SORCS2: variants seen among roughly 807,000 people sequenced by gnomAD.
The protein encoded by SORCS2 is sortilin related VPS10 domain containing receptor 2.
SORCS2 carries 100 observed loss-of-function variants against 141.6 expected under a neutral mutation model. That is an observed-to-expected ratio of 0.71 (90% CI 0.60 to 0.83). The LOEUF (loss-of-function observed/expected upper bound fraction) is 0.83. SORCS2 is among the 40% of genes least tolerant of loss of function. The probability of loss-of-function intolerance (pLI) is 0.00; values close to 1 mark genes in which losing one functional copy is unlikely to be tolerated. For synonymous variants in SORCS2, 789 were observed against 676.9 expected, an observed-to-expected ratio of 1.17 and a Z score of -2.57; for missense variants, 1,646 against 1,560.2, an observed-to-expected ratio of 1.05 and a Z score of -0.93.
At chr4:7,227,492 A>T (rs1194717082) in intron 1 of SORCS2, among the ~76,000 whole-genome samples, 3 of 152,124 alleles carry the variant, frequency 2.0e-5, no homozygotes, top group Admixed American at 6.5e-5. Context: ...GCAGGTTGTG[A>T]TCCTGTGCTC....
intron 1 of SORCS2, among the ~76,000 whole-genome samples, chr4:7,311,083 G>C (rs1261988351): frequency 6.6e-6 from 1 of 151,878 alleles, no homozygotes; most frequent in Non-Finnish European, 1.5e-5. Context: ...GATTATCTCT[G>C]TCTTCCCTCC....
Position 7,265,683 on chromosome 4 carries a change from C to T in SORCS2, c.480+72557C>T, listed in dbSNP as rs551456090. ...CTGTGTCTCCTATGAAGACATTCAT[C>T]GCTGGCTTTAGGGCCGCCCAGTGTA... is the stretch of plus-strand genomic sequence containing the variant. On this transcript the variant is annotated intron_variant, in intron 1 of 26. Coordinates refer to ENST00000507866, the MANE Select transcript of SORCS2 (RefSeq NM_020777.3). Among the ~76,000 whole-genome samples, 4 of 152,284 alleles carry T rather than the reference C, an allele frequency of 2.6e-5. No individual in the cohort carries two copies. The South Asian group carries it at 8.3e-4, about 32-fold the overall frequency.
chr4:7,404,293 C>T (rs1724824891), intron 2 of SORCS2, among the ~76,000 whole-genome samples: 1 of 152,064 alleles, frequency 6.6e-6, no homozygotes, highest in South Asian at 2.1e-4. Flanking sequence ...GTGAATAGTG[C>T]TGCGATAAAC....
intron 1 of SORCS2, among the ~76,000 whole-genome samples, chr4:7,218,039 G>A (rs1019339517): frequency 1.3e-5 from 2 of 152,174 alleles, no homozygotes; most frequent in Non-Finnish European, 2.9e-5. Context: ...GGCGGGGGGT[G>A]CTCTTCATGC....
At chr4:7,475,858 C>G (rs1730260660) in intron 2 of SORCS2, among the ~76,000 whole-genome samples, 1 of 152,260 alleles carries the variant, frequency 6.6e-6, no homozygotes, top group Non-Finnish European at 1.5e-5. Flanking sequence ...AGGCCTCCAT[C>G]ATCTGAAGAT....
rs571484839 is a variant in SORCS2 at position 7,538,895 on chromosome 4, C to T, written c.648+7266C>T. ...AAAGTATTGCGGAAAGTGAAAACCTCCACTTGGCAGAGGCGGTGTGGTCAT... is the reference window on the plus strand; with the variant it reads ...AAAGTATTGCGGAAAGTGAAAACCTTCACTTGGCAGAGGCGGTGTGGTCAT... On this transcript the variant is annotated intron_variant, in intron 3 of 26. Coordinates refer to ENST00000507866, the MANE Select transcript of SORCS2 (RefSeq NM_020777.3). Among the ~76,000 whole-genome samples the T allele has an allele frequency of 1.2e-4, 18 of 152,312 alleles. No individual in the cohort carries two copies. In the East Asian group the frequency reaches 2.5e-3, roughly 21 times the overall value.
At chr4:7,529,221 C>T (rs148095962) in intron 2 of SORCS2, among the ~76,000 whole-genome samples, 109 of 152,320 alleles carry the variant, frequency 7.2e-4, no homozygotes, top group Non-Finnish European at 1.3e-3. Flanking sequence ...GCAAACATCA[C>T]CTTGTCTAAG....
At chr4:7,301,661 C>T (rs937611036) in intron 1 of SORCS2, among the ~76,000 whole-genome samples, 10 of 152,218 alleles carry the variant, frequency 6.6e-5, no homozygotes, top group African/African-American at 2.2e-4. Flanking sequence ...TCCTCAGCAA[C>T]CCAGACTGAG....
chr4:7,337,143 C>G (rs1720037813), intron 1 of SORCS2, among the ~76,000 whole-genome samples: 1 of 152,168 alleles, frequency 6.6e-6, no homozygotes, highest in Non-Finnish European at 1.5e-5. Flanking sequence ...GATGTTTAGT[C>G]TAGAATTGCA....
intron 1 of SORCS2, among the ~76,000 whole-genome samples, chr4:7,253,361 G>C (rs1713633451): frequency 6.6e-6 from 1 of 152,218 alleles, no homozygotes; most frequent in Non-Finnish European, 1.5e-5. Flanking sequence ...GCCTGCCTCT[G>C]GTCCATTGCC....
At chr4:7,283,214 G>A (rs1475422760) in intron 1 of SORCS2, among the ~76,000 whole-genome samples, 1 of 152,240 alleles carries the variant, frequency 6.6e-6, no homozygotes, top group Admixed American at 6.5e-5. Flanking sequence ...GACAGATACT[G>A]AGCATGCATG....
intron 1 of SORCS2, among the ~76,000 whole-genome samples, chr4:7,379,399 G>A (rs1469613894): frequency 1.3e-5 from 2 of 152,210 alleles, no homozygotes; most frequent in African/African-American, 4.8e-5. Context: ...GTGGAAGCAC[G>A]AGAGGCGTAT....
chr4:7,386,762 TACAC>T (rs1211519409), intron 1 of SORCS2, among the ~76,000 whole-genome samples: 6 of 22,988 alleles, frequency 2.6e-4, no homozygotes, highest in South Asian at 2.2e-3. Context: ...TACACAGAGA[TACAC>T]ACATATGCAC....
rs1049626343 is a variant in SORCS2 at position 7,662,009 on chromosome 4, C to G, written c.952+445C>G. On this transcript the variant is annotated intron_variant, in intron 6 of 26. Transcript: ENST00000507866. ...AGAGACATCCTCTGTGCAGGATCAC[C>G]TGAGCCAGGATGTGTCCCCATTAAA... is the stretch of plus-strand genomic sequence containing the variant. Among the ~76,000 whole-genome samples the G allele has an allele frequency of 8.5e-5, 13 of 152,302 alleles. No individual in the cohort carries two copies. The South Asian group carries it at 2.5e-3, about 29-fold the overall frequency.
Position 7,704,220 on chromosome 4 carries a change from A to C in SORCS2, c.1804A>C (p.Thr602Pro), listed in dbSNP as rs1577094983. ...EGLTWSTHNF[T>P]STSVFVDGLL... ...CCTCACCTGGAGCACGCACAACTTC[A>C]CCAGCACCTCGGTGTTTGTGGACGG... is the stretch of plus-strand genomic sequence containing the variant. The change falls in exon 14 of 27, where the codon ACC becomes CCC. Residue 602 changes from threonine (T) to proline (P), a missense_variant. By Grantham distance (38) the Thr-to-Pro change is conservative. Transcript: ENST00000507866. 6.2e-7 allele frequency: 1 copy of C among 1,613,192 alleles called. No individual in the cohort carries two copies. Among genetic ancestry groups the C allele is most frequent in the Non-Finnish European group, 8.5e-7 (1 of 1,179,676 alleles).
intron 11 of SORCS2, among the ~76,000 whole-genome samples, chr4:7,692,172 G>A (rs1724299403): frequency 6.6e-6 from 1 of 152,198 alleles, no homozygotes; most frequent in South Asian, 2.1e-4. Context: ...GGAGGAAAAG[G>A]CGCGTGGGCT....
At chr4:7,500,089 T>G (rs140003239) in intron 2 of SORCS2, among the ~76,000 whole-genome samples, 162 of 152,268 alleles carry the variant, frequency 1.1e-3, no homozygotes, top group African/African-American at 3.7e-3. Flanking sequence ...GGGCTTTCTT[T>G]CCGGCTTCTG....
chr4:7,676,899 TCTCTCTCCCTCTCTCC>T (rs202167356), intron 9 of SORCS2, among the ~76,000 whole-genome samples: 2,249 of 32,154 alleles, frequency 0.07, 118 homozygotes, highest in African/African-American at 0.12. Context: ...GGCCTCTCTC[TCTCTCTCCCTCTCTCC>T]CTCTCTCCCT....
chr4:7,450,904 GTGAA>G (rs895063146), intron 2 of SORCS2, among the ~76,000 whole-genome samples: 11 of 151,286 alleles, frequency 7.3e-5, no homozygotes, highest in Admixed American at 1.3e-4. Context: ...GAGTGAGGGA[GTGAA>G]TGAATGAATG....
Sources: allele counts gnomAD v4.1 joint callset (sites outside exome capture counted in the v4.1 genomes callset), GRCh38; gene constraint gnomAD v4.1.1; transcripts MANE v1.5; gene names NCBI Gene and HGNC (gene_info 2026-07-23, HGNC 2026-07-21).